Variants in WDR31 observed in about 807,000 individuals in gnomAD.
WDR31 encodes the protein WD repeat-containing protein 31.
A neutral mutation model predicts 47.3 loss-of-function variants in WDR31; 30 were observed. The observed-to-expected ratio is 0.63, with a 90% CI of 0.47 to 0.86. WDR31 has a LOEUF of 0.86. WDR31 is among the 40% of genes least tolerant of loss of function. The pLI, the probability that WDR31 is intolerant of heterozygous loss-of-function variation, is 0.00. For missense variants in WDR31, 406 were observed against 442.9 expected (o/e 0.92, Z 0.75); for synonymous variants, 137 against 159.4 (o/e 0.86, Z 1.06).
chr9:113,335,042 AG>A (rs1350004580), intron 2 of WDR31, among the ~76,000 whole-genome samples: 1 of 152,176 alleles, frequency 6.6e-6, no homozygotes, highest in Non-Finnish European at 1.5e-5. Context: ...TTTGAGAGCC[AG>A]TGACTTAGAA....
chr9:113,326,653 A>G (rs78115106), intron 5 of WDR31, among the ~76,000 whole-genome samples: 4,279 of 152,018 alleles, frequency 0.028, 205 homozygotes, highest in African/African-American at 0.097. Flanking sequence ...ATTTTTATTT[A>G]TAGTAGAGAC....
rs2118750012 is a variant in WDR31 at position 113,314,502 on chromosome 9, C to CAA, written c.*2246_*2247insTT. The CAA allele has an allele frequency of 6.6e-6, 1 of 151,442 alleles. No homozygotes were observed. Among genetic ancestry groups the CAA allele is most frequent in the Non-Finnish European group, 1.5e-5 (1 of 67,848 alleles). The allele number at this position is 151,442 out of a possible 1,614,324, so 9.4% of individuals were successfully genotyped here. On this transcript the variant is annotated 3_prime_UTR_variant, in exon 11 of 11. Coordinates refer to ENST00000374193, the MANE Select transcript of WDR31 (RefSeq NM_001012361.4). ...TGCTGGGATTACAGGCATGAGCCAACGCGTCCGGCAGAATGGTAAATGTTT... is the reference window on the plus strand; with the variant it reads ...TGCTGGGATTACAGGCATGAGCCAACAAGCGTCCGGCAGAATGGTAAATGTTT...
Position 113,314,656 on chromosome 9 carries a change from C to T in WDR31, c.*2093G>A, listed in dbSNP as rs910741676. ...TGAGATGGAGTTTCGCTCTTGTTGC[C>T]CAGGCTGGAGTGCAATGGCACAATC... On this transcript the variant is annotated 3_prime_UTR_variant, in exon 11 of 11. Coordinates refer to ENST00000374193, the MANE Select transcript of WDR31 (RefSeq NM_001012361.4). The T allele has an allele frequency of 1.3e-5, 2 of 152,090 alleles. No individual in the cohort carries two copies. Among genetic ancestry groups the T allele is most frequent in the African/African-American group, 4.8e-5 (2 of 41,368 alleles). 9.4% of individuals were successfully genotyped at this position (152,090 alleles called of 1,614,324 possible). A position where few individuals can be genotyped will look rare whatever the true frequency, so the allele number is the denominator to read the frequency against.
At chr9:113,329,235 T>G (rs1457600533) in intron 4 of WDR31, among the ~76,000 whole-genome samples, 1 of 152,250 alleles carries the variant, frequency 6.6e-6, no homozygotes, top group Non-Finnish European at 1.5e-5. Flanking sequence ...CAAGGAGAAC[T>G]GATTCCCCTG....
intron 1 of WDR31, among the ~76,000 whole-genome samples, chr9:113,337,807 C>A (rs1198530996): frequency 2.0e-5 from 3 of 152,192 alleles, no homozygotes; most frequent in Non-Finnish European, 4.4e-5. Flanking sequence ...ATTAGGGATG[C>A]TCAACCCTTA....
intron 5 of WDR31, among the ~76,000 whole-genome samples, chr9:113,324,764 G>A (rs1246269192): frequency 1.3e-5 from 2 of 151,374 alleles, no homozygotes; most frequent in Non-Finnish European, 1.5e-5. Flanking sequence ...CCATGAATCT[G>A]TCAAAGGACA....
chr9:113,328,825 T>G (rs1833531836), intron 5 of WDR31, 56 bp downstream of exon 5: 2 of 1,387,706 alleles, frequency 1.4e-6, no homozygotes, highest in Admixed American at 1.7e-5. Flanking sequence ...TCTAGAACTA[T>G]TAGCTATCCT....
chr9:113,330,974 C>T lies in WDR31; in HGVS notation c.249+10G>A. 1.9e-6 allele frequency: 3 copies of T among 1,593,972 alleles called. No homozygotes were observed. Among genetic ancestry groups the T allele is most frequent in the Non-Finnish European group, 2.6e-6 (3 of 1,167,930 alleles). ...AAAGTTCATTTCCCGGGAAACACTG[C>T]AAACCCCACCTTATCTTTCCCTCCA... On this transcript the variant is annotated intron_variant, in intron 4 of 10. Transcript: ENST00000374193.
chr9:113,330,095 G>C (rs945585787), intron 4 of WDR31, among the ~76,000 whole-genome samples: 3 of 152,100 alleles, frequency 2.0e-5, no homozygotes, highest in Non-Finnish European at 4.4e-5. Context: ...TTGAAAATGA[G>C]AGACATTATT....
Position 113,339,641 on chromosome 9 carries a change from G to A in WDR31, c.-182+576C>T, listed in dbSNP as rs1311937842. 5.3e-5 allele frequency among the ~76,000 whole-genome samples: 8 copies of A among 152,280 alleles called. No homozygotes were observed. The South Asian group carries it at 1.5e-3, about 28-fold the overall frequency. ...CTCTCACGGTTGCCTCAAATTTTGG[G>A]GACGACTTGTGTGCAGTTTTTCCTT... On this transcript the variant is annotated intron_variant, in intron 1 of 10. Transcript: ENST00000374193.
chr9:113,319,075 T>C (rs894692545), intron 9 of WDR31, among the ~76,000 whole-genome samples: 2 of 152,200 alleles, frequency 1.3e-5, no homozygotes, highest in African/African-American at 4.8e-5. Flanking sequence ...TAGTTAGAAG[T>C]ACCCCATAGA....
At chr9:113,334,130 G>A (rs1471514944) in intron 2 of WDR31, among the ~76,000 whole-genome samples, 1 of 151,778 alleles carries the variant, frequency 6.6e-6, no homozygotes, top group Non-Finnish European at 1.5e-5. Context: ...CAGCCTCCCA[G>A]GGAGCTGGGA....
At chr9:113,327,220 T>C (rs1833491823) in intron 5 of WDR31, among the ~76,000 whole-genome samples, 1 of 152,196 alleles carries the variant, frequency 6.6e-6, no homozygotes, top group Non-Finnish European at 1.5e-5. Flanking sequence ...AAATTTTATC[T>C]TTGCTTCTTG....
chr9:113,325,476 T>G (rs1833441218), intron 5 of WDR31, among the ~76,000 whole-genome samples: 1 of 152,062 alleles, frequency 6.6e-6, no homozygotes, highest in Admixed American at 6.5e-5. Context: ...TAGAGTTATT[T>G]TTCCCTTTAT....
At chr9:113,333,414 G>T (rs1193007418) in intron 2 of WDR31, among the ~76,000 whole-genome samples, 7 of 125,900 alleles carry the variant, frequency 5.6e-5, no homozygotes, top group Non-Finnish European at 8.0e-5. Flanking sequence ...TCGCTCTGTC[G>T]CCCAGGCCGG....
rs138160585 is a variant in WDR31, at chr9:113,333,110, CACAA to C, written c.-28-1064_-28-1061del. On this transcript the variant is annotated intron_variant, in intron 2 of 10. Coordinates refer to ENST00000374193, the MANE Select transcript of WDR31 (RefSeq NM_001012361.4). ...AGCCTCAGTTATTTTTTTATAGCAACACAAACAAACAAAGAGGCAGAGTTTCCTT... is the reference window on the plus strand; with the variant it reads ...AGCCTCAGTTATTTTTTTATAGCAACACAAACAAAGAGGCAGAGTTTCCTT... Among the ~76,000 whole-genome samples, 975 of 152,116 alleles carry C rather than the reference CACAA, an allele frequency of 6.4e-3. 11 individuals are homozygous for C. Among genetic ancestry groups the C allele is most frequent in the African/African-American group, 0.021 (860 of 41,520 alleles).
intron 4 of WDR31, among the ~76,000 whole-genome samples, chr9:113,330,493 A>G (rs925553112): frequency 6.6e-6 from 1 of 152,210 alleles, no homozygotes. Flanking sequence ...TATGAAGGAG[A>G]GAAATGTGAG....
intron 3 of WDR31, 108 bp downstream of exon 3, chr9:113,331,799 A>G (rs1383399172): frequency 6.1e-6 from 6 of 990,722 alleles, no homozygotes; most frequent in Non-Finnish European, 7.6e-6. Context: ...GGGAAGGCCA[A>G]CTATTCAGGG....
intron 2 of WDR31, among the ~76,000 whole-genome samples, chr9:113,334,331 T>C (rs971417550): frequency 6.6e-6 from 1 of 152,188 alleles, no homozygotes; most frequent in African/African-American, 2.4e-5. Flanking sequence ...CAGAGTCCAA[T>C]TGTCTCCTTT....
Sources: allele counts gnomAD v4.1 joint callset (sites outside exome capture counted in the v4.1 genomes callset), GRCh38; gene constraint gnomAD v4.1.1; transcripts MANE v1.5; gene names NCBI Gene and HGNC (gene_info 2026-07-23, HGNC 2026-07-21).